MYO3B: variants seen among roughly 807,000 people sequenced by gnomAD.
MYO3B encodes the protein myosin IIIB, also known as myosin-IIIb.
A neutral mutation model predicts 174.6 loss-of-function variants in MYO3B; 156 were observed. That is an observed-to-expected ratio of 0.89 (90% CI 0.78 to 1.02). The LOEUF (loss-of-function observed/expected upper bound fraction) is 1.02. Ranked by LOEUF, MYO3B falls within the 50% of genes least tolerant of loss-of-function variation. MYO3B has a pLI of 0.00. For synonymous variants in MYO3B, 563 were observed against 569.1 expected (o/e 0.99, Z 0.15); for missense variants, 1,632 against 1,639.4 (o/e 1.00, Z 0.08).
At chr2:170,340,789 G>C (rs1305885679) in intron 8 of MYO3B, 1 of 152,188 alleles carries the variant, frequency 6.6e-6, no homozygotes, top group African/African-American at 2.4e-5. Context: ...AAGAGAGAGA[G>C]GGTGGGAGAA....
intron 7 of MYO3B, among the ~76,000 whole-genome samples, chr2:170,323,548 C>T (rs1362385025): frequency 2.0e-5 from 3 of 152,134 alleles, no homozygotes; most frequent in Non-Finnish European, 4.4e-5. Context: ...ATCCCAAATG[C>T]AGAAACAAGA....
intron 7 of MYO3B, among the ~76,000 whole-genome samples, chr2:170,286,138 T>A (rs2093554718): frequency 2.6e-5 from 4 of 152,210 alleles, no homozygotes; most frequent in Non-Finnish European, 5.9e-5. Context: ...GCAGACCCCT[T>A]TTAATAAGCC....
chr2:170,215,323 T>C (rs757371603), intron 5 of MYO3B, among the ~76,000 whole-genome samples: 1 of 152,172 alleles, frequency 6.6e-6, no homozygotes. Context: ...CTGGTTGAAC[T>C]GGAAACATTA....
intron 22 of MYO3B, among the ~76,000 whole-genome samples, chr2:170,421,067 G>A (rs2094611384): frequency 1.3e-5 from 2 of 152,134 alleles, no homozygotes; most frequent in Non-Finnish European, 2.9e-5. Context: ...AGAGAGGAGT[G>A]TGACAGGAGG....
Position 170,636,303 on chromosome 2 carries a change from A to G in MYO3B, c.3734-15325A>G, listed in dbSNP as rs76982681. Among the ~76,000 whole-genome samples the G allele has an allele frequency of 1.1e-4, 16 of 152,228 alleles. 1 individual carries two copies. In the East Asian group the frequency reaches 2.7e-3, roughly 26 times the overall value. Reference sequence around the variant, plus strand: ...CTGGCCCTACTCTCAAAAACAGAGCACTTTGAAGATAACCTAACTTCCAAG... The same window carrying G: ...CTGGCCCTACTCTCAAAAACAGAGCGCTTTGAAGATAACCTAACTTCCAAG... On this transcript the variant is annotated intron_variant, in intron 32 of 34. Coordinates refer to ENST00000408978, the MANE Select transcript of MYO3B (RefSeq NM_138995.5).
chr2:170,353,514 C>T (rs570495688), intron 8 of MYO3B, among the ~76,000 whole-genome samples: 1 of 152,248 alleles, frequency 6.6e-6, no homozygotes, highest in African/African-American at 2.4e-5. Flanking sequence ...TTTGCCCAAA[C>T]CTATAGAATG....
intron 30 of MYO3B, 87 bp from the exon 31 acceptor site, chr2:170,542,819 A>G (rs1473411581): frequency 2.0e-6 from 2 of 1,012,052 alleles, no homozygotes; most frequent in Non-Finnish European, 2.9e-6. Context: ...ATGTTTTGAT[A>G]TATCTTTGAA....
intron 23 of MYO3B, among the ~76,000 whole-genome samples, chr2:170,459,735 G>A (rs974388583): frequency 6.6e-6 from 1 of 152,172 alleles, no homozygotes; most frequent in Admixed American, 6.5e-5. Context: ...CACTGGGGGT[G>A]GGGGGGCTTG....
intron 23 of MYO3B, among the ~76,000 whole-genome samples, chr2:170,454,286 G>A (rs1389148336): frequency 6.6e-6 from 1 of 152,130 alleles, no homozygotes; most frequent in Non-Finnish European, 1.5e-5. Flanking sequence ...AAACCTATCA[G>A]GAGAAGGGAG....
At chr2:170,492,190 G>C (rs1686532579) in intron 25 of MYO3B, among the ~76,000 whole-genome samples, 1 of 152,208 alleles carries the variant, frequency 6.6e-6, no homozygotes. Context: ...TGGTCGGGCT[G>C]GCATAAGCAG....
chr2:170,607,962 A>G (rs1694914609), intron 32 of MYO3B, among the ~76,000 whole-genome samples: 1 of 152,200 alleles, frequency 6.6e-6, no homozygotes, highest in African/African-American at 2.4e-5. Flanking sequence ...GAGAAGTAAT[A>G]TAATTAGGGG....
intron 32 of MYO3B, among the ~76,000 whole-genome samples, chr2:170,624,001 T>C (rs868212987): frequency 4.6e-5 from 7 of 152,328 alleles, no homozygotes; most frequent in Middle Eastern, 6.8e-3. Context: ...TGAAGTCAGG[T>C]AGTGTGATGC....
At chr2:170,438,714 A>G (rs2094775506) in intron 22 of MYO3B, among the ~76,000 whole-genome samples, 1 of 151,898 alleles carries the variant, frequency 6.6e-6, no homozygotes, top group South Asian at 2.1e-4. Flanking sequence ...GGCTCACTGC[A>G]GCCTCCCCCT....
chr2:170,602,371 A>C, intron 32 of MYO3B: 3 of 589,758 alleles, frequency 5.1e-6, no homozygotes, highest in African/African-American at 1.9e-5. Flanking sequence ...CACCCTCTCC[A>C]CTCTGTAACA....
chr2:170,480,552 A>G (rs1401197140), intron 25 of MYO3B, among the ~76,000 whole-genome samples: 4 of 152,238 alleles, frequency 2.6e-5, no homozygotes, highest in African/African-American at 9.6e-5. Flanking sequence ...AATTGAACTC[A>G]AAGAGGGTGT....
chr2:170,508,349 T>G (rs1687753255), intron 28 of MYO3B, among the ~76,000 whole-genome samples: 1 of 152,206 alleles, frequency 6.6e-6, no homozygotes, highest in East Asian at 1.9e-4. Flanking sequence ...TAAAACAATT[T>G]CATGTAGAAT....
At chr2:170,257,886 A>G (rs1392089907) in intron 7 of MYO3B, among the ~76,000 whole-genome samples, 11 of 152,134 alleles carry the variant, frequency 7.2e-5, no homozygotes. Flanking sequence ...CAGAGGTAAC[A>G]TTACAACCAA....
At position 170,636,735 on chromosome 2, in the gene MYO3B, A is replaced by G. The variant is rs533872908; in HGVS notation, c.3734-14893A>G. On this transcript the variant is annotated intron_variant, in intron 32 of 34. Transcript: ENST00000408978. ...AGCTCATGTTAATATGATTTTCTCT[A>G]TATTGTCAGATAAATGCTGCCAGGT... 3.3e-5 allele frequency among the ~76,000 whole-genome samples: 5 copies of G among 152,244 alleles called. No individual in the cohort carries two copies. The South Asian group carries it at 8.3e-4, about 25-fold the overall frequency.
At chr2:170,428,533 G>A (rs746795578) in intron 22 of MYO3B, among the ~76,000 whole-genome samples, 8 of 152,264 alleles carry the variant, frequency 5.3e-5, no homozygotes, top group Non-Finnish European at 8.8e-5. Context: ...GTTGTTCAGC[G>A]TGTTGTTGAT....
Sources: allele counts gnomAD v4.1 joint callset (sites outside exome capture counted in the v4.1 genomes callset), GRCh38; gene constraint gnomAD v4.1.1; transcripts MANE v1.5; gene names NCBI Gene and HGNC (gene_info 2026-07-23, HGNC 2026-07-21).